Variants in OPCML observed in about 807,000 individuals in gnomAD.
OPCML encodes opioid binding protein/cell adhesion molecule like, also known as opioid-binding protein/cell adhesion molecule.
A neutral mutation model predicts 37.8 loss-of-function variants in OPCML; 13 were observed. The observed-to-expected ratio is 0.34, with a 90% CI of 0.22 to 0.55. OPCML has a LOEUF of 0.55. Ranked by LOEUF, OPCML falls within the 20% of genes least tolerant of loss-of-function variation. The pLI, the probability that OPCML is intolerant of heterozygous loss-of-function variation, is 0.91. For synonymous variants in OPCML, 176 were observed against 168.8 expected, an observed-to-expected ratio of 1.04 and a Z score of -0.33; for missense variants, 341 against 435.6, an observed-to-expected ratio of 0.78 and a Z score of 1.93.
intron 4 of OPCML, among the ~76,000 whole-genome samples, chr11:132,513,956 A>C (rs4531481): frequency 0.2 from 30,353 of 152,072 alleles, 3,091 homozygotes; most frequent in Non-Finnish European, 0.22. Flanking sequence ...GAAGGCACCC[A>C]CTAATTCATT....
chr11:133,471,446 T>C (rs1159886795), intron 1 of OPCML, among the ~76,000 whole-genome samples: 2 of 152,144 alleles, frequency 1.3e-5, no homozygotes, highest in Non-Finnish European at 2.9e-5. Flanking sequence ...GACAGAGAGC[T>C]AGAGAGAATA....
intron 3 of OPCML, among the ~76,000 whole-genome samples, chr11:132,587,174 T>C (rs150503903): frequency 1.6e-4 from 25 of 152,276 alleles, no homozygotes; most frequent in African/African-American, 6.0e-4. Context: ...AAAGTGAAGC[T>C]TATAGCAAGC....
chr11:133,200,893 A>T (rs1052363942), intron 1 of OPCML, among the ~76,000 whole-genome samples: 1 of 152,232 alleles, frequency 6.6e-6, no homozygotes, highest in Non-Finnish European at 1.5e-5. Flanking sequence ...AAGGCCATCA[A>T]CGGTGGACTG....
intron 3 of OPCML, among the ~76,000 whole-genome samples, chr11:132,643,941 G>A (rs1941007056): frequency 6.6e-6 from 1 of 152,146 alleles, no homozygotes; most frequent in South Asian, 2.1e-4. Context: ...TTGTCCTCAA[G>A]CAACCTGTAC....
Position 132,956,045 on chromosome 11 carries a change from G to T in OPCML, c.62-13035C>A, listed in dbSNP as rs137898171. ...ATGTATCTCTAACCCATACCCTCCAGTCTCACAGATATCATAGCTATTCAA... is the reference window on the plus strand; with the variant it reads ...ATGTATCTCTAACCCATACCCTCCATTCTCACAGATATCATAGCTATTCAA... On this transcript the variant is annotated intron_variant, in intron 1 of 7. Coordinates refer to ENST00000524381, the MANE Select transcript of OPCML (RefSeq NM_001012393.5). Among the ~76,000 whole-genome samples, 838 of 152,182 alleles carry T rather than the reference G, an allele frequency of 5.5e-3. 4 individuals are homozygous for T. The highest frequency in any genetic ancestry group is 0.019 in the African/African-American group (801 of 41,508).
chr11:132,497,484 T>TGATGTGGA (rs1021064471), intron 4 of OPCML, among the ~76,000 whole-genome samples: 1 of 148,550 alleles, frequency 6.7e-6, no homozygotes, highest in Non-Finnish European at 1.5e-5. Flanking sequence ...AATGCCAGGG[T>TGATGTGGA]GATGTGGAAA....
rs776040297 is a variant in OPCML, at chr11:133,207,305, C to CA, written c.62-264296dup. 5.3e-5 allele frequency among the ~76,000 whole-genome samples: 8 copies of CA among 151,882 alleles called. No individual in the cohort carries two copies. The East Asian group carries it at 1.4e-3, about 26-fold the overall frequency. On this transcript the variant is annotated intron_variant, in intron 1 of 7. Coordinates refer to ENST00000524381, the MANE Select transcript of OPCML (RefSeq NM_001012393.5). ...ACAGAGTGAGACTCCATCTCAAAAACAAAAAACAAACAAACAAAAAAGAGA... is the reference window on the plus strand; with the variant it reads ...ACAGAGTGAGACTCCATCTCAAAAACAAAAAAACAAACAAACAAAAAAGAGA...
chr11:132,849,375 A>G (rs1447686184), intron 2 of OPCML, among the ~76,000 whole-genome samples: 1 of 152,224 alleles, frequency 6.6e-6, no homozygotes, highest in Non-Finnish European at 1.5e-5. Flanking sequence ...GACTAACTGT[A>G]GGCCCAGGCA....
intron 3 of OPCML, among the ~76,000 whole-genome samples, chr11:132,606,008 C>T (rs1272817786): frequency 6.6e-6 from 1 of 152,164 alleles, no homozygotes; most frequent in Non-Finnish European, 1.5e-5. Flanking sequence ...TTACCCTTGG[C>T]ACCTGTAAGC....
chr11:132,419,157 T>C lies in OPCML; in HGVS notation c.*1036A>G, dbSNP rs1472700501. 1.3e-5 allele frequency: 2 copies of C among 152,494 alleles called. No homozygotes were observed. The highest frequency in any genetic ancestry group is 2.9e-5 in the Non-Finnish European group (2 of 68,052). 9.4% of individuals were successfully genotyped at this position (152,494 alleles called of 1,614,324 possible). On this transcript the variant is annotated 3_prime_UTR_variant, in exon 8 of 8. Transcript: ENST00000524381. ...TTTTGAAGATGCCAATGTCTGCTGA[T>C]GGTGTATAAATGAATACAGTGGGAG...
At chr11:132,904,342 G>A (rs1944162489) in intron 2 of OPCML, among the ~76,000 whole-genome samples, 1 of 152,112 alleles carries the variant, frequency 6.6e-6, no homozygotes, top group South Asian at 2.1e-4. Flanking sequence ...CCAACAAATT[G>A]TAAAATCATA....
chr11:132,778,009 C>T (rs1946865299), intron 2 of OPCML, among the ~76,000 whole-genome samples: 1 of 152,196 alleles, frequency 6.6e-6, no homozygotes, highest in African/African-American at 2.4e-5. Context: ...CTTAGCCAAC[C>T]ATCCCCTTTG....
At chr11:132,531,249 T>C (rs555862104) in intron 3 of OPCML, among the ~76,000 whole-genome samples, 1 of 152,232 alleles carries the variant, frequency 6.6e-6, no homozygotes, top group Non-Finnish European at 1.5e-5. Context: ...AAGCTTTGAA[T>C]GGAAGACTTT....
rs73588521 is a variant in OPCML, at chr11:133,004,208, C to T, written c.62-61198G>A. 3.1e-3 allele frequency: 3,009 copies of T among 985,426 alleles called. 59 individuals carry two copies. The African/African-American group carries it at 0.049, about 16-fold the overall frequency. 61.0% of individuals were successfully genotyped at this position (985,426 alleles called of 1,614,324 possible). ...CTGAGGCCTCCTCCATCTGCCTTGC[C>T]TGAGAGTCACTTTCCATTGCCAGTG... On this transcript the variant is annotated intron_variant, in intron 1 of 7. Transcript: ENST00000524381.
intron 1 of OPCML, among the ~76,000 whole-genome samples, chr11:133,034,746 T>A (rs896778056): frequency 2.1e-5 from 3 of 143,228 alleles, no homozygotes; most frequent in Non-Finnish European, 3.0e-5. Flanking sequence ...CTGTTGTTTT[T>A]TTTCCTTTTT....
intron 1 of OPCML, among the ~76,000 whole-genome samples, chr11:133,148,652 G>A (rs1742671488): frequency 1.3e-5 from 2 of 152,194 alleles, no homozygotes. Flanking sequence ...ACATCCATGC[G>A]CACTTCAGCG....
chr11:133,158,074 G>A (rs1950086758), intron 1 of OPCML, among the ~76,000 whole-genome samples: 1 of 152,174 alleles, frequency 6.6e-6, no homozygotes, highest in South Asian at 2.1e-4. Context: ...TTGGAACTTG[G>A]CTCTGGAAAA....
At chr11:133,320,879 A>C (rs529979503) in intron 1 of OPCML, among the ~76,000 whole-genome samples, 7 of 152,298 alleles carry the variant, frequency 4.6e-5, no homozygotes, top group African/African-American at 1.7e-4. Context: ...CTCAATACGC[A>C]GAACACAATA....
At chr11:132,924,581 T>TG (rs1319982923) in intron 2 of OPCML, among the ~76,000 whole-genome samples, 1 of 152,248 alleles carries the variant, frequency 6.6e-6, no homozygotes, top group Non-Finnish European at 1.5e-5. Context: ...GCTCTTTTCT[T>TG]GCTTGCTTGG....
Sources: allele counts gnomAD v4.1 joint callset (sites outside exome capture counted in the v4.1 genomes callset), GRCh38; gene constraint gnomAD v4.1.1; transcripts MANE v1.5; gene names NCBI Gene and HGNC (gene_info 2026-07-23, HGNC 2026-07-21).